PKIB: variants seen among roughly 807,000 people sequenced by gnomAD.
The protein encoded by PKIB is cAMP-dependent protein kinase inhibitor beta.
A neutral mutation model predicts 4.5 loss-of-function variants in PKIB; 2 were observed. The observed-to-expected ratio is 0.44, with a 90% CI of 0.18 to 1.39. The LOEUF is 1.39. Among genes scored for constraint, PKIB ranks in the 40% most tolerant of loss-of-function variants. The probability of loss-of-function intolerance (pLI) is 0.27; values close to 1 mark genes in which losing one functional copy is unlikely to be tolerated. For synonymous variants in PKIB, 38 were observed against 36.0 expected (o/e 1.06, Z -0.20); for missense variants, 94 against 92.6 (o/e 1.02, Z -0.06).
At chr6:122,517,510 G>C (rs1261042007) in intron 2 of PKIB, among the ~76,000 whole-genome samples, 4 of 152,118 alleles carry the variant, frequency 2.6e-5, no homozygotes, top group Non-Finnish European at 5.9e-5. Context: ...AAATATTTTA[G>C]ACTGCTTGGG....
intron 2 of PKIB, among the ~76,000 whole-genome samples, chr6:122,523,185 A>G (rs1776995222): frequency 6.6e-6 from 1 of 152,174 alleles, no homozygotes; most frequent in African/African-American, 2.4e-5. Flanking sequence ...AGTGTTTTTT[A>G]AAATTATTAT....
chr6:122,660,573 A>G (rs1183699594), intron 2 of PKIB, among the ~76,000 whole-genome samples: 1 of 152,186 alleles, frequency 6.6e-6, no homozygotes, highest in Non-Finnish European at 1.5e-5. Flanking sequence ...GAAAGTTTAC[A>G]GGGCATGGAT....
intron 2 of PKIB, among the ~76,000 whole-genome samples, chr6:122,553,484 T>G (rs981691293): frequency 1.3e-5 from 1 of 74,468 alleles, no homozygotes; most frequent in East Asian, 3.8e-4. Flanking sequence ...ATATCTTCTT[T>G]TTTTTTTTTT....
At chr6:122,617,915 A>G (rs759658025) in intron 1 of PKIB, among the ~76,000 whole-genome samples, 2 of 152,106 alleles carry the variant, frequency 1.3e-5, no homozygotes, top group African/African-American at 4.8e-5. Context: ...TTTTACATTA[A>G]TGTAACAATG....
intron 1 of PKIB, among the ~76,000 whole-genome samples, chr6:122,621,457 C>A (rs1228086955): frequency 6.6e-6 from 1 of 152,108 alleles, no homozygotes; most frequent in East Asian, 1.9e-4. Context: ...ATGAAAGCCA[C>A]CATAGGAGTA....
chr6:122,563,231 C>T (rs572634596), intron 2 of PKIB, among the ~76,000 whole-genome samples: 1 of 152,202 alleles, frequency 6.6e-6, no homozygotes, highest in African/African-American at 2.4e-5. Context: ...ATTGTTGTCC[C>T]TCTTCTGGGT....
intron 3 of PKIB, among the ~76,000 whole-genome samples, chr6:122,713,923 A>G (rs920124760): frequency 6.6e-6 from 1 of 152,154 alleles, no homozygotes; most frequent in Non-Finnish European, 1.5e-5. Context: ...TAATTTTTAA[A>G]CTTGCTTTAT....
At position 122,637,062 on chromosome 6, in the gene PKIB, T is replaced by C. The variant is rs1052842509; in HGVS notation, c.-76+3695T>C. Among the ~76,000 whole-genome samples, 4 of 152,162 alleles carry C rather than the reference T, an allele frequency of 2.6e-5. No individual in the cohort carries two copies. In the East Asian group the frequency reaches 5.8e-4, roughly 22 times the overall value. ...ATACAATATACAAATACTTGTCAGA[T>C]TGATAAAAGCAGAACAATGACAGAG... On this transcript the variant is annotated intron_variant, in intron 2 of 4. Coordinates refer to ENST00000368452, the MANE Select transcript of PKIB (RefSeq NM_181795.3).
intron 2 of PKIB, among the ~76,000 whole-genome samples, chr6:122,638,334 C>T (rs1202346363): frequency 6.6e-6 from 1 of 152,158 alleles, no homozygotes; most frequent in African/African-American, 2.4e-5. Context: ...AATTTTCTGT[C>T]CCAGGCCATA....
intron 2 of PKIB, among the ~76,000 whole-genome samples, chr6:122,641,354 G>T (rs1303504876): frequency 1.3e-5 from 2 of 151,720 alleles, no homozygotes; most frequent in Non-Finnish European, 2.9e-5. Flanking sequence ...TCCTAAATTG[G>T]GCCCATGGAT....
At chr6:122,609,967 G>A (rs1005051485), upstream of PKIB, among the ~76,000 whole-genome samples, 1 of 152,262 alleles carries the variant, frequency 6.6e-6, no homozygotes, top group East Asian at 1.9e-4. Flanking sequence ...TTAGATCAAA[G>A]GGCAACCTTA....
intron 2 of PKIB, among the ~76,000 whole-genome samples, chr6:122,535,994 C>T (rs756424791): frequency 2.0e-5 from 3 of 152,120 alleles, no homozygotes; most frequent in East Asian, 1.9e-4. Context: ...CAAGTTGAAG[C>T]GCAGTGGCGA....
chr6:122,665,371 T>C (rs1298680904), intron 2 of PKIB, among the ~76,000 whole-genome samples: 1 of 152,222 alleles, frequency 6.6e-6, no homozygotes, highest in Non-Finnish European at 1.5e-5. Context: ...TTTCAAATTA[T>C]TTTCTTAGTC....
At chr6:122,638,500 A>G (rs1332567493) in intron 2 of PKIB, among the ~76,000 whole-genome samples, 1 of 152,118 alleles carries the variant, frequency 6.6e-6, no homozygotes, top group Non-Finnish European at 1.5e-5. Flanking sequence ...TCCAGAGAGC[A>G]CTCACTCTGC....
intron 4 of PKIB, among the ~76,000 whole-genome samples, chr6:122,723,868 A>G (rs1006000832): frequency 1.3e-5 from 2 of 151,874 alleles, no homozygotes; most frequent in African/African-American, 4.8e-5. Context: ...AGCCCTTTTT[A>G]CTTCTTATTG....
chr6:122,634,552 C>G (rs1170865222), intron 2 of PKIB, among the ~76,000 whole-genome samples: 1 of 152,002 alleles, frequency 6.6e-6, no homozygotes, highest in Admixed American at 6.6e-5. Flanking sequence ...TCTTCTCCCC[C>G]TCTCAGATTC....
intron 2 of PKIB, among the ~76,000 whole-genome samples, chr6:122,545,294 A>G (rs1278779966): frequency 6.6e-6 from 1 of 152,026 alleles, no homozygotes; most frequent in African/African-American, 2.4e-5. Flanking sequence ...TACATCATGG[A>G]ATACCATGTA....
At chr6:122,588,233 T>C (rs1451871356) in intron 3 of PKIB, among the ~76,000 whole-genome samples, 2 of 152,192 alleles carry the variant, frequency 1.3e-5, no homozygotes, top group South Asian at 2.1e-4. Context: ...GTTTCAGCTT[T>C]CTACATATGG....
At chr6:122,530,371 C>T (rs533924690) in intron 2 of PKIB, among the ~76,000 whole-genome samples, 14 of 152,176 alleles carry the variant, frequency 9.2e-5, no homozygotes, top group African/African-American at 3.4e-4. Flanking sequence ...TCTTTTAGCT[C>T]ATTGAGTATT....
Sources: gnomAD v4.1 joint callset for allele counts (sites outside exome capture counted in the v4.1 genomes callset) on GRCh38, gnomAD v4.1.1 for gene constraint, MANE v1.5 for transcripts, NCBI Gene and HGNC (gene_info 2026-07-23, HGNC 2026-07-21) for gene names.